The following RALGAPA2 variants were observed in gnomAD, a reference collection of about 807,000 sequenced individuals.
RALGAPA2 encodes Ral GTPase activating protein catalytic subunit alpha 2.
In RALGAPA2, 139 loss-of-function variants were observed where a neutral mutation model predicts 230.4. The ratio of observed to expected loss-of-function variants is 0.60; its 90% CI spans 0.53 to 0.69. RALGAPA2 has a LOEUF of 0.69. Among genes scored for constraint, RALGAPA2 ranks in the 30% least tolerant of loss-of-function variants. The pLI is 0.00. For synonymous variants in RALGAPA2, 847 were observed against 837.8 expected (o/e 1.01, Z -0.19); for missense variants, 2,163 against 2,276.0 (o/e 0.95, Z 1.01).
At chr20:20,593,620 G>A (rs529616677) in intron 16 of RALGAPA2, among the ~76,000 whole-genome samples, 5 of 152,244 alleles carry the variant, frequency 3.3e-5, no homozygotes, top group Non-Finnish European at 5.9e-5. Flanking sequence ...GAGCCCAAGA[G>A]CTTCCTAACT....
chr20:20,620,021 T>C lies in RALGAPA2; in HGVS notation c.1401+442A>G, dbSNP rs142613508. Among the ~76,000 whole-genome samples, 532 of 152,282 alleles carry C rather than the reference T, an allele frequency of 3.5e-3. 4 individuals carry two copies. Among genetic ancestry groups the C allele is most frequent in the African/African-American group, 0.012 (502 of 41,566 alleles). On this transcript the variant is annotated intron_variant, in intron 11 of 39. Transcript: ENST00000202677. ...GGGAGGGACACTGCTGTTTGGTTAG[T>C]CCTTTCACAGGGGTAACACCCAGCT...
intron 16 of RALGAPA2, among the ~76,000 whole-genome samples, chr20:20,600,188 C>CA (rs2065594068): frequency 6.6e-6 from 1 of 151,822 alleles, no homozygotes; most frequent in African/African-American, 2.4e-5. Flanking sequence ...CCCAGCTACT[C>CA]AGGAGGCTGA....
intron 33 of RALGAPA2, 52 bp from the exon 34 acceptor site, chr20:20,505,586 C>G: frequency 7.0e-7 from 1 of 1,430,560 alleles, no homozygotes; most frequent in East Asian, 2.5e-5. Context: ...TAAAATTTTA[C>G]TTCACTACTA....
chr20:20,470,966 C>G (rs889739138), intron 37 of RALGAPA2: 1 of 151,808 alleles, frequency 6.6e-6, no homozygotes, highest in Non-Finnish European at 1.5e-5. Context: ...TGAATAATAC[C>G]AATTAAATTT....
rs144527664 is a variant in RALGAPA2, at chr20:20,433,865, C to T, written c.5496-21717G>A. On this transcript the variant is annotated intron_variant, in intron 37 of 39. Coordinates refer to ENST00000202677, the MANE Select transcript of RALGAPA2 (RefSeq NM_020343.4). ...AATCCAGTATACATCAGTGAAATTC[C>T]GAAATTTATCAGAACAGAAAGTAGA... 1.6e-3 allele frequency among the ~76,000 whole-genome samples: 244 copies of T among 152,210 alleles called. 1 individual carries two copies. The highest frequency in any genetic ancestry group is 5.5e-3 in the African/African-American group (230 of 41,522).
At chr20:20,458,033 C>T (rs958033257) in intron 37 of RALGAPA2, among the ~76,000 whole-genome samples, 2 of 152,204 alleles carry the variant, frequency 1.3e-5, no homozygotes, top group Non-Finnish European at 2.9e-5. Context: ...ACACTTTAGT[C>T]GCTGGCCCTG....
At chr20:20,686,231 A>G (rs988261863) in intron 1 of RALGAPA2, among the ~76,000 whole-genome samples, 7 of 152,296 alleles carry the variant, frequency 4.6e-5, no homozygotes, top group African/African-American at 1.7e-4. Flanking sequence ...AAACACTCCA[A>G]TCCTCAATTT....
intron 1 of RALGAPA2, among the ~76,000 whole-genome samples, chr20:20,695,921 C>T (rs532045276): frequency 6.6e-6 from 1 of 152,142 alleles, no homozygotes; most frequent in Non-Finnish European, 1.5e-5. Flanking sequence ...GTTGTACTGA[C>T]CCATCAACAT....
chr20:20,625,878 C>T (rs1448379814), intron 10 of RALGAPA2, among the ~76,000 whole-genome samples: 2 of 152,164 alleles, frequency 1.3e-5, no homozygotes, highest in Non-Finnish European at 2.9e-5. Context: ...ATGAGGGATA[C>T]CCTGAGCCTT....
chr20:20,585,016 A>T (rs1219101379), intron 18 of RALGAPA2, 61 bp from the exon 19 acceptor site: 1 of 1,067,576 alleles, frequency 9.4e-7, no homozygotes, highest in Admixed American at 2.2e-5. Flanking sequence ...ATAAGACTTA[A>T]GTTTCTAGCC....
At chr20:20,687,076 T>C (rs2068730995) in intron 1 of RALGAPA2, among the ~76,000 whole-genome samples, 1 of 151,894 alleles carries the variant, frequency 6.6e-6, no homozygotes, top group African/African-American at 2.4e-5. Flanking sequence ...TCCTTTACTA[T>C]TTTAGTGAAA....
At chr20:20,534,567 T>G (rs1602685472) in intron 26 of RALGAPA2, among the ~76,000 whole-genome samples, 5 of 148,688 alleles carry the variant, frequency 3.4e-5, no homozygotes, top group Non-Finnish European at 7.4e-5. Flanking sequence ...AAAAAAAAAG[T>G]AGAAGAAGAA....
intron 37 of RALGAPA2, among the ~76,000 whole-genome samples, chr20:20,433,561 G>T (rs1313106237): frequency 6.6e-6 from 1 of 152,168 alleles, no homozygotes; most frequent in East Asian, 1.9e-4. Context: ...TTCTGTGCAA[G>T]CTGCACCAAC....
chr20:20,687,712 A>C (rs2068756647), intron 1 of RALGAPA2, among the ~76,000 whole-genome samples: 1 of 152,208 alleles, frequency 6.6e-6, no homozygotes, highest in African/African-American at 2.4e-5. Context: ...AAGGTTTGTT[A>C]TGCAACACTA....
At chr20:20,490,861 AACACACACAC>A (rs34230105) in intron 36 of RALGAPA2, among the ~76,000 whole-genome samples, 8 of 142,212 alleles carry the variant, frequency 5.6e-5, no homozygotes, top group Non-Finnish European at 1.5e-5. Flanking sequence ...AACACACATG[AACACACACAC>A]ACACACACAC....
intron 16 of RALGAPA2, 109 bp downstream of exon 16, chr20:20,601,573 A>G: frequency 9.5e-7 from 1 of 1,056,958 alleles, no homozygotes; most frequent in Non-Finnish European, 1.3e-6. Context: ...TTCATTTAAT[A>G]TAAGGTCTAA....
intron 3 of RALGAPA2, among the ~76,000 whole-genome samples, chr20:20,658,575 G>A (rs2067665728): frequency 6.6e-6 from 1 of 152,196 alleles, no homozygotes; most frequent in Non-Finnish European, 1.5e-5. Flanking sequence ...AAAACACACA[G>A]CTCTATTTAA....
chr20:20,517,304 G>A lies in RALGAPA2; in HGVS notation c.4084+3613C>T, dbSNP rs189523477. On this transcript the variant is annotated intron_variant, in intron 31 of 39. Coordinates refer to ENST00000202677, the MANE Select transcript of RALGAPA2 (RefSeq NM_020343.4). ...TAGGACAGGAGTGAGGCTGGGAGGT[G>A]GGTAACTTTCTTGCTGGCCTGACAG... 2.6e-5 allele frequency among the ~76,000 whole-genome samples: 4 copies of A among 152,304 alleles called. No individual in the cohort carries two copies. In the East Asian group the frequency reaches 5.8e-4, roughly 22 times the overall value.
intron 23 of RALGAPA2, among the ~76,000 whole-genome samples, chr20:20,564,938 CTG>C (rs1270819432): frequency 6.6e-6 from 1 of 152,098 alleles, no homozygotes; most frequent in Non-Finnish European, 1.5e-5. Context: ...TTTTTTTAAA[CTG>C]TTTTTAAATG....
Sources: allele counts gnomAD v4.1 joint callset (sites outside exome capture counted in the v4.1 genomes callset), GRCh38; gene constraint gnomAD v4.1.1; transcripts MANE v1.5; gene names NCBI Gene and HGNC (gene_info 2026-07-23, HGNC 2026-07-21).